Variants in PCDHGA10 observed in about 807,000 individuals in gnomAD.
PCDHGA10 encodes the protein protocadherin gamma-A10.
In PCDHGA10, 42 loss-of-function variants were observed where a neutral mutation model predicts 59.5. That is an observed-to-expected ratio of 0.71 (90% confidence interval 0.55 to 0.91). PCDHGA10 has a LOEUF of 0.91. Among genes scored for constraint, PCDHGA10 ranks in the 40% least tolerant of loss-of-function variants. The pLI, the probability that PCDHGA10 is intolerant of heterozygous loss-of-function variation, is 0.00. For synonymous variants in PCDHGA10, 511 were observed against 517.2 expected (o/e 0.99, Z 0.16); for missense variants, 1,111 against 1,198.2 (o/e 0.93, Z 1.07).
intron 1 of PCDHGA10, chr5:141,427,870 C>A (rs773176633): frequency 3.2e-6 from 5 of 1,558,750 alleles, no homozygotes; most frequent in Non-Finnish European, 4.4e-6. Context: ...TTCGAGCTCA[C>A]GATGCAGGCC....
chr5:141,466,358 A>T (rs1210013683), intron 1 of PCDHGA10, among the ~76,000 whole-genome samples: 3 of 152,066 alleles, frequency 2.0e-5, no homozygotes, highest in Non-Finnish European at 4.4e-5. Context: ...GCTAATCTAG[A>T]TGTAATGGTT....
At chr5:141,458,630 C>T (rs575289408) in intron 1 of PCDHGA10, among the ~76,000 whole-genome samples, 1 of 151,864 alleles carries the variant, frequency 6.6e-6, no homozygotes, top group Admixed American at 6.6e-5. Flanking sequence ...AGTGCAGTGG[C>T]ACAATCCCAG....
chr5:141,502,468 C>A (rs1007796183), intron 2 of PCDHGA10, among the ~76,000 whole-genome samples: 6 of 151,190 alleles, frequency 4.0e-5, no homozygotes, highest in Non-Finnish European at 8.8e-5. Flanking sequence ...GGAATACTTC[C>A]CGCAGCATCA....
At chr5:141,436,053 A>G (rs971342534) in intron 1 of PCDHGA10, among the ~76,000 whole-genome samples, 2 of 152,232 alleles carry the variant, frequency 1.3e-5, no homozygotes, top group African/African-American at 2.4e-5. Flanking sequence ...TAGTTTTCAA[A>G]TAGAATTTAA....
rs775489120 is a variant in PCDHGA10 at position 141,418,594 on chromosome 5, C to T, written c.2436+2983C>T. ...ACAACCCCCCAGTGTTCAGCCAGGA[C>T]GTGTACAGGGTTAGCCTTCGGGAAG... On this transcript the variant is annotated intron_variant, in intron 1 of 3. Coordinates refer to ENST00000398610, the MANE Select transcript of PCDHGA10 (RefSeq NM_018913.3). The T allele has an allele frequency of 3.1e-6, 5 of 1,614,022 alleles. No individual in the cohort carries two copies. In the Admixed American group the frequency reaches 8.3e-5, roughly 27 times the overall value.
intron 1 of PCDHGA10, chr5:141,423,310 G>A (rs1175296469): frequency 1.2e-6 from 2 of 1,614,180 alleles, no homozygotes; most frequent in Admixed American, 1.7e-5. Flanking sequence ...GCTGTACTTG[G>A]TGGTGGCGGT....
chr5:141,420,047 G>T lies in PCDHGA10; in HGVS notation c.2436+4436G>T. ...TACTGCAGGAGACTGCTTTGAGTCA[G>T]TTCTCTGCTCCAAGTCCGGACCTGT... On this transcript the variant is annotated intron_variant, in intron 1 of 3. Coordinates refer to ENST00000398610, the MANE Select transcript of PCDHGA10 (RefSeq NM_018913.3). 3 of 1,614,076 alleles carry T rather than the reference G, an allele frequency of 1.9e-6. No individual in the cohort carries two copies. The South Asian group carries it at 3.3e-5, about 18-fold the overall frequency.
At chr5:141,488,189 T>G (rs574621860) in intron 1 of PCDHGA10, among the ~76,000 whole-genome samples, 2 of 152,316 alleles carry the variant, frequency 1.3e-5, no homozygotes, top group Non-Finnish European at 2.9e-5. Context: ...TCTTTTGGTC[T>G]GGGTCTTAGG....
chr5:141,511,793 G>A lies in PCDHGA10; in HGVS notation c.*620G>A, dbSNP rs2099883948. The stretch of plus-strand genomic sequence containing the variant: ...TACTGATGCTTGCTGGATTTAGGGA[G>A]GGCATTTTGCTACCAAGCCTCTTCC... On this transcript the variant is annotated 3_prime_UTR_variant, in exon 4 of 4. Coordinates refer to ENST00000398610, the MANE Select transcript of PCDHGA10 (RefSeq NM_018913.3). 6.4e-6 allele frequency: 1 copy of A among 157,066 alleles called. No homozygotes were observed. The highest frequency in any genetic ancestry group is 2.4e-5 in the African/African-American group (1 of 41,492). 9.7% of individuals were successfully genotyped at this position (157,066 alleles called of 1,614,324 possible). A position where few individuals can be genotyped will look rare whatever the true frequency, so the allele number is the denominator to read the frequency against.
intron 1 of PCDHGA10, chr5:141,471,515 T>C (rs931181988): frequency 2.6e-5 from 4 of 152,276 alleles, no homozygotes; most frequent in African/African-American, 9.6e-5. Context: ...GGAGTAAAAA[T>C]AACAGCGAGG....
rs2099416627 is a variant in PCDHGA10 at position 141,477,726 on chromosome 5, C to T, written c.2437-17081C>T. 6.2e-7 allele frequency: 1 copy of T among 1,613,822 alleles called. No homozygotes were observed. The highest frequency in any genetic ancestry group is 8.5e-7 in the Non-Finnish European group (1 of 1,180,020). ...GATCGGCGGGAATTTGAATTAACAG[C>T]TCATATCAGCGATGGGGGCACCCCG... On this transcript the variant is annotated intron_variant, in intron 1 of 3. Coordinates refer to ENST00000398610, the MANE Select transcript of PCDHGA10 (RefSeq NM_018913.3). This position sits in a 1 kb window ranked among gnomAD's most constrained non-coding sequence, Gnocchi z 4.9.
intron 1 of PCDHGA10, among the ~76,000 whole-genome samples, chr5:141,459,812 A>G (rs1390780491): frequency 1.3e-5 from 2 of 152,232 alleles, no homozygotes; most frequent in South Asian, 2.1e-4. Context: ...GACTAGAGAC[A>G]CTGAGCAACT....
intron 1 of PCDHGA10, chr5:141,426,693 A>C (rs62378458): frequency 0.034 from 14,964 of 435,892 alleles, 320 homozygotes; most frequent in Middle Eastern, 0.11. Flanking sequence ...CCAAAATAGC[A>C]TTGTTTTACA....
intron 1 of PCDHGA10, chr5:141,421,202 C>G (rs1345590720): frequency 6.6e-7 from 1 of 1,519,226 alleles, no homozygotes; most frequent in Non-Finnish European, 8.8e-7. Flanking sequence ...CTCGAGAAAC[C>G]GCGGAATATC....
At chr5:141,419,139 G>C in intron 1 of PCDHGA10, 1 of 1,613,916 alleles carries the variant, frequency 6.2e-7, no homozygotes, top group South Asian at 1.1e-5. Flanking sequence ...GCCACAGACA[G>C]GGGCAAGCCT....
rs202113404 is a variant in PCDHGA10, at chr5:141,414,779, A to G, written c.1604A>G (p.Gln535Arg). The G allele has an allele frequency of 4.2e-4, 674 of 1,614,210 alleles. No homozygotes were observed. Among genetic ancestry groups the G allele is most frequent in the Admixed American group, 6.0e-4 (36 of 60,022 alleles). Residue 535 changes from glutamine to arginine, a missense_variant, in exon 1 of 4, where the codon CAG becomes CGG. Transcript: ENST00000398610. ...GAGCAGTTTCATGAGCTACAGATGCAGGTGACAGCCAGCGACAGCGGGGAT... is the reference window on the plus strand; with the variant it reads ...GAGCAGTTTCATGAGCTACAGATGCGGGTGACAGCCAGCGACAGCGGGGAT... ...DYEQFHELQM[Q>R]VTASDSGDPP...
chr5:141,448,204 C>G (rs757249025), intron 1 of PCDHGA10, among the ~76,000 whole-genome samples: 28 of 152,124 alleles, frequency 1.8e-4, no homozygotes, highest in South Asian at 4.1e-4. Flanking sequence ...CAAACATTTT[C>G]TGTGTGTATG....
chr5:141,487,689 A>G lies in PCDHGA10; in HGVS notation c.2437-7118A>G. 6.2e-7 allele frequency: 1 copy of G among 1,605,144 alleles called. No homozygotes were observed. The highest frequency in any genetic ancestry group is 1.7e-4 in the Middle Eastern group (1 of 6,050). ...GGCATATGGCTAGGCCATGTCCTAG[A>G]GAGTACTGGCCTCTCAGTAAGTGCC... On this transcript the variant is annotated intron_variant, in intron 1 of 3. Coordinates refer to ENST00000398610, the MANE Select transcript of PCDHGA10 (RefSeq NM_018913.3). This position sits in a 1 kb window ranked among gnomAD's most constrained non-coding sequence, Gnocchi z 5.0.
intron 1 of PCDHGA10, 135 bp downstream of exon 1, chr5:141,415,746 T>TTG: frequency 3.0e-6 from 2 of 662,596 alleles, no homozygotes; most frequent in Non-Finnish European, 3.7e-6. Flanking sequence ...TAAGGTTTTT[T>TTG]TTTTTTTTTT....
Sources: allele counts gnomAD v4.1 joint callset (sites outside exome capture counted in the v4.1 genomes callset), GRCh38; gene constraint gnomAD v4.1.1; non-coding constraint Gnocchi (gnomAD v3.1); transcripts MANE v1.5; gene names NCBI Gene and HGNC (gene_info 2026-07-23, HGNC 2026-07-21).